The following ADAMTSL3 variants were observed in gnomAD, a reference collection of about 807,000 sequenced individuals.
ADAMTSL3 encodes the protein ADAMTS like 3.
A neutral mutation model predicts 201.7 loss-of-function variants in ADAMTSL3; 128 were observed. That is an observed-to-expected ratio of 0.63 (90% CI 0.55 to 0.73). The LOEUF (loss-of-function observed/expected upper bound fraction) is 0.73, where lower values mean the gene tolerates loss of function less well. Among genes scored for constraint, ADAMTSL3 ranks in the 30% least tolerant of loss-of-function variants. The pLI, the probability that ADAMTSL3 is intolerant of heterozygous loss-of-function variation, is 0.00. For synonymous variants in ADAMTSL3, 738 were observed against 748.4 expected (o/e 0.99, Z 0.23); for missense variants, 1,990 against 2,119.6 (o/e 0.94, Z 1.20).
At chr15:83,862,130 A>C (rs571966503) in intron 8 of ADAMTSL3, 1 of 152,350 alleles carries the variant, frequency 6.6e-6, no homozygotes, top group South Asian at 2.1e-4. Context: ...GAAAAGACCA[A>C]ATCTACGTCT....
intron 4 of ADAMTSL3, among the ~76,000 whole-genome samples, chr15:83,783,125 A>G (rs1273297375): frequency 6.9e-6 from 1 of 144,354 alleles, no homozygotes; most frequent in Non-Finnish European, 1.5e-5. Flanking sequence ...AATTCAGAAG[A>G]GAGTAAAATT....
chr15:83,674,698 T>TATATACATATATACACAC (rs2061372414), intron 2 of ADAMTSL3, among the ~76,000 whole-genome samples: 18 of 124,244 alleles, frequency 1.4e-4, no homozygotes, highest in South Asian at 1.3e-3. Flanking sequence ...TATATACACA[T>TATATACATATATACACAC]ATATATACAT....
chr15:83,737,686 G>A (rs1012648460), intron 3 of ADAMTSL3, among the ~76,000 whole-genome samples: 7 of 152,108 alleles, frequency 4.6e-5, no homozygotes, highest in Admixed American at 1.3e-4. Context: ...AGAAAACCTC[G>A]CAGACCTGGA....
At chr15:83,981,269 G>A (rs775624184) in intron 20 of ADAMTSL3, among the ~76,000 whole-genome samples, 8 of 152,178 alleles carry the variant, frequency 5.3e-5, no homozygotes, top group Admixed American at 2.0e-4. Context: ...TTGGGGACAG[G>A]ATCTGAGAAG....
intron 2 of ADAMTSL3, among the ~76,000 whole-genome samples, chr15:83,662,562 A>C (rs1007838106): frequency 7.2e-6 from 1 of 138,540 alleles, no homozygotes; most frequent in Admixed American, 8.2e-5. Context: ...CTAAAACTTA[A>C]AGTATAATAA....
intron 3 of ADAMTSL3, among the ~76,000 whole-genome samples, chr15:83,731,036 T>C (rs2141604521): frequency 6.6e-6 from 1 of 152,252 alleles, no homozygotes; most frequent in East Asian, 1.9e-4. Flanking sequence ...AGACTATCCT[T>C]TTCCCATTGT....
At chr15:83,975,531 G>A (rs544035953) in intron 20 of ADAMTSL3, among the ~76,000 whole-genome samples, 46 of 152,256 alleles carry the variant, frequency 3.0e-4, no homozygotes, top group African/African-American at 9.9e-4. Context: ...CAGGACGTAC[G>A]TGTTACTTTT....
chr15:83,963,446 C>T (rs972946437), intron 19 of ADAMTSL3, among the ~76,000 whole-genome samples: 1 of 152,220 alleles, frequency 6.6e-6, no homozygotes, highest in Non-Finnish European at 1.5e-5. Flanking sequence ...TGTAGCCAGA[C>T]TGCTTCTCTA....
At position 83,970,563 on chromosome 15, in the gene ADAMTSL3, C is replaced by A. The variant is rs199694682; in HGVS notation, c.2570C>A (p.Pro857His). The change falls in exon 20 of 30, where the codon CCC becomes CAC. Residue 857 changes from proline to histidine, a missense_variant. Coordinates refer to ENST00000286744, the MANE Select transcript of ADAMTSL3 (RefSeq NM_207517.3). ...QRLAAKGRRIPLSEMMCRDLP... is the reference protein window; with the variant it reads ...QRLAAKGRRIHLSEMMCRDLP... ...CTGGCAGCCAAAGGTCGGCGCATCC[C>A]CCTCAGTGAGATGATGTGCAGGGAT... 1.2e-6 allele frequency: 2 copies of A among 1,614,190 alleles called. No individual in the cohort carries two copies. The highest frequency in any genetic ancestry group is 1.7e-6 in the Non-Finnish European group (2 of 1,180,048).
intron 7 of ADAMTSL3, among the ~76,000 whole-genome samples, chr15:83,838,657 A>G (rs1277643615): frequency 4.6e-5 from 7 of 152,190 alleles, no homozygotes; most frequent in Non-Finnish European, 8.8e-5. Context: ...AGCTTTTAAT[A>G]TATCACCAAT....
rs780788189 is a variant in ADAMTSL3, at chr15:83,982,638, G to T, written c.3010G>T (p.Ala1004Ser). 1 of 1,614,116 alleles carries T rather than the reference G, an allele frequency of 6.2e-7. No individual in the cohort carries two copies. Among genetic ancestry groups the T allele is most frequent in the Admixed American group, 1.7e-5 (1 of 60,026 alleles). Residue 1004 changes from alanine to serine, a missense_variant, in exon 21 of 30, where the codon GCA (alanine) becomes TCA (serine). Transcript: ENST00000286744. Reference sequence around the variant, plus strand: ...CATTGGTACTGACAACCGGCTCATCGCACGCCCAGCCCTCAGGGAGCCTAT... The same window carrying T: ...CATTGGTACTGACAACCGGCTCATCTCACGCCCAGCCCTCAGGGAGCCTAT... Reference protein sequence around the residue: ...KLIGTDNRLIARPALREPMRE... With the variant: ...KLIGTDNRLISRPALREPMRE...
At chr15:83,684,607 A>G (rs902792617) in intron 2 of ADAMTSL3, among the ~76,000 whole-genome samples, 6 of 152,140 alleles carry the variant, frequency 3.9e-5, no homozygotes, top group Non-Finnish European at 7.4e-5. Flanking sequence ...AACCCACTTT[A>G]TATAAGACAA....
intron 2 of ADAMTSL3, among the ~76,000 whole-genome samples, chr15:83,657,700 C>G (rs1320834441): frequency 6.6e-6 from 1 of 152,224 alleles, no homozygotes; most frequent in African/African-American, 2.4e-5. Context: ...AAGCTTGAAG[C>G]AAGCGCAGTG....
At chr15:83,724,331 C>T (rs1211076619) in intron 3 of ADAMTSL3, among the ~76,000 whole-genome samples, 1 of 152,012 alleles carries the variant, frequency 6.6e-6, no homozygotes, top group Non-Finnish European at 1.5e-5. Context: ...ATCTCCTGAC[C>T]TCTTGATCTG....
At chr15:83,708,854 G>A (rs2061891754) in intron 3 of ADAMTSL3, among the ~76,000 whole-genome samples, 1 of 152,064 alleles carries the variant, frequency 6.6e-6, no homozygotes, top group South Asian at 2.1e-4. Flanking sequence ...TGGAGACTTT[G>A]GCCCAAGTGC....
At chr15:84,017,227 C>T (rs911206455) in intron 25 of ADAMTSL3, among the ~76,000 whole-genome samples, 7 of 152,192 alleles carry the variant, frequency 4.6e-5, no homozygotes, top group East Asian at 1.9e-4. Context: ...ATGCCATTCT[C>T]CTGCCTCAGC....
intron 3 of ADAMTSL3, among the ~76,000 whole-genome samples, chr15:83,744,266 A>G (rs900868118): frequency 9.2e-5 from 14 of 152,232 alleles, no homozygotes; most frequent in African/African-American, 3.1e-4. Context: ...AGAGGAAGAT[A>G]AAACCACACA....
intron 7 of ADAMTSL3, among the ~76,000 whole-genome samples, chr15:83,839,911 C>T (rs540434060): frequency 6.6e-6 from 1 of 152,184 alleles, no homozygotes; most frequent in Non-Finnish European, 1.5e-5. Flanking sequence ...CCATAAGTAT[C>T]CAATGTCTAA....
At chr15:83,734,034 A>G (rs1175265725) in intron 3 of ADAMTSL3, among the ~76,000 whole-genome samples, 1 of 152,170 alleles carries the variant, frequency 6.6e-6, no homozygotes, top group Non-Finnish European at 1.5e-5. Flanking sequence ...CTCTCAGCGT[A>G]AAAGGAATAG....
Sources: allele counts gnomAD v4.1 joint callset (sites outside exome capture counted in the v4.1 genomes callset), GRCh38; gene constraint gnomAD v4.1.1; transcripts MANE v1.5; gene names NCBI Gene and HGNC (gene_info 2026-07-23, HGNC 2026-07-21).